The following KYNU variants were observed in gnomAD, a reference collection of about 807,000 sequenced individuals.
The protein encoded by KYNU is kynureninase, also known as L-kynurenine hydrolase.
A neutral mutation model predicts 59.2 loss-of-function variants in KYNU; 54 were observed. The ratio of observed to expected loss-of-function variants is 0.91; its 90% CI spans 0.73 to 1.14. The LOEUF is 1.14. KYNU is among the 50% of genes most tolerant of loss of function. The probability of loss-of-function intolerance (pLI) is 0.00; values close to 1 mark genes in which losing one functional copy is unlikely to be tolerated. For synonymous variants in KYNU, 177 were observed against 192.0 expected, an observed-to-expected ratio of 0.92 and a Z score of 0.65; for missense variants, 567 against 554.4, an observed-to-expected ratio of 1.02 and a Z score of -0.23.
At chr2:142,999,360 T>C (rs775625457) in intron 10 of KYNU, among the ~76,000 whole-genome samples, 63 of 152,226 alleles carry the variant, frequency 4.1e-4, no homozygotes, top group Non-Finnish European at 7.3e-4. Flanking sequence ...AGTGATTGCT[T>C]TGAATGGTGT....
chr2:142,882,430 T>C (rs1228910145), intron 1 of KYNU, among the ~76,000 whole-genome samples: 1 of 152,122 alleles, frequency 6.6e-6, no homozygotes, highest in Non-Finnish European at 1.5e-5. Context: ...GCTGCACCCA[T>C]TAACTCGTCA....
intron 2 of KYNU, among the ~76,000 whole-genome samples, chr2:142,902,854 G>T (rs550783469): frequency 2.0e-4 from 31 of 152,272 alleles, no homozygotes; most frequent in African/African-American, 5.5e-4. Context: ...TTAACCCTTG[G>T]GGTAAAACAG....
At chr2:142,915,797 C>T in intron 2 of KYNU, among the ~76,000 whole-genome samples, 1 of 152,142 alleles carries the variant, frequency 6.6e-6, no homozygotes, top group East Asian at 1.9e-4. Flanking sequence ...AACTTTTAAG[C>T]AGAGTGCTAT....
rs777529766 is a variant in KYNU, at chr2:142,956,230, C to T, written c.463C>T (p.Arg155Ter). 1.5e-5 allele frequency: 24 copies of T among 1,602,314 alleles called. No individual in the cohort carries two copies. Among genetic ancestry groups the T allele is most frequent in the African/African-American group, 8.0e-5 (6 of 74,606 alleles). Residue 155 changes from arginine to a stop codon, truncating the protein, a stop_gained, in exon 6 of 14, where the codon CGA becomes TGA. Coordinates refer to ENST00000264170, the MANE Select transcript of KYNU (RefSeq NM_003937.3). LOFTEE classifies it high-confidence loss of function. ...MLSFFKPTPKRYKILLEAKAF... is the reference protein window; with the variant it reads ...MLSFFKPTPK Reference sequence around the variant, plus strand: ...ATCATTTTTTAAGCCTACGCCAAAACGATATAAAATTCTTCTAGAAGCCAA... The same window carrying T: ...ATCATTTTTTAAGCCTACGCCAAAATGATATAAAATTCTTCTAGAAGCCAA...
chr2:142,879,452 G>A (rs183535092), intron 1 of KYNU: 1 of 152,314 alleles, frequency 6.6e-6, no homozygotes, highest in Non-Finnish European at 1.5e-5. Context: ...GTAGCTTGTG[G>A]TCCTTTGCAG....
In KYNU at chr2:142,971,882, G is replaced by C. The variant is rs1421295436; in HGVS notation, c.729+11112G>C. ...AATCAAGATGCTTTTTGTAAGTTTTGAGTTCTTTTTCAAATTCCACTTCTA... is the reference window on the plus strand; with the variant it reads ...AATCAAGATGCTTTTTGTAAGTTTTCAGTTCTTTTTCAAATTCCACTTCTA... On this transcript the variant is annotated intron_variant, in intron 8 of 13. Coordinates refer to ENST00000264170, the MANE Select transcript of KYNU (RefSeq NM_003937.3). 4.6e-5 allele frequency among the ~76,000 whole-genome samples: 7 copies of C among 152,164 alleles called. No homozygotes were observed. The South Asian group carries it at 1.4e-3, about 32-fold the overall frequency.
chr2:143,025,645 G>A (rs1686531033), intron 10 of KYNU, among the ~76,000 whole-genome samples: 1 of 151,312 alleles, frequency 6.6e-6, no homozygotes, highest in Non-Finnish European at 1.5e-5. Context: ...TTTTTAAACT[G>A]GAACTTCAGT....
At chr2:143,001,705 T>C (rs900075554) in intron 10 of KYNU, among the ~76,000 whole-genome samples, 2 of 152,226 alleles carry the variant, frequency 1.3e-5, no homozygotes, top group African/African-American at 4.8e-5. Flanking sequence ...GATTATTTAT[T>C]GAGCAGGACA....
At chr2:142,977,234 T>C (rs1290216749) in intron 8 of KYNU, among the ~76,000 whole-genome samples, 3 of 152,030 alleles carry the variant, frequency 2.0e-5, no homozygotes, top group Non-Finnish European at 1.5e-5. Flanking sequence ...ATTTTAGCTG[T>C]GGTTTACAAA....
intron 2 of KYNU, 144 bp from the exon 3 acceptor site, chr2:142,918,465 C>T (rs1193675393): frequency 4.6e-6 from 4 of 874,968 alleles, no homozygotes; most frequent in Non-Finnish European, 6.7e-6. Context: ...TTTTAGAGGA[C>T]CTGATGTCAT....
chr2:143,037,491 C>T (rs1223573024), intron 12 of KYNU, among the ~76,000 whole-genome samples: 1 of 152,086 alleles, frequency 6.6e-6, no homozygotes, highest in African/African-American at 2.4e-5. Context: ...AGTCAGAAGA[C>T]TCAACAAAGA....
chr2:142,930,627 G>T (rs7557827), intron 4 of KYNU, among the ~76,000 whole-genome samples: 55,558 of 151,882 alleles, frequency 0.37, 10,473 homozygotes, highest in South Asian at 0.55. Context: ...TTTGTGTACT[G>T]GAGGAAACAG....
chr2:142,941,352 A>G (rs1306696072), intron 4 of KYNU, among the ~76,000 whole-genome samples: 1 of 152,240 alleles, frequency 6.6e-6, no homozygotes, highest in African/African-American at 2.4e-5. Flanking sequence ...TTGTTATAAC[A>G]CACCTATGGG....
In KYNU at chr2:142,982,278, A is replaced by G. The variant is rs1228669572; in HGVS notation, c.730-2806A>G. On this transcript the variant is annotated intron_variant, in intron 8 of 13. Transcript: ENST00000264170. Reference sequence around the variant, plus strand: ...GAGGTAAAATGTTTTGCAAAGTTCTATCACCTGCATTTAGCCAGTTTTTAA... The same window carrying G: ...GAGGTAAAATGTTTTGCAAAGTTCTGTCACCTGCATTTAGCCAGTTTTTAA... Among the ~76,000 whole-genome samples, 5 of 152,116 alleles carry G rather than the reference A, an allele frequency of 3.3e-5. No homozygotes were observed. The South Asian group carries it at 6.2e-4, about 19-fold the overall frequency.
chr2:142,884,117 C>G (rs1359713097), intron 1 of KYNU, among the ~76,000 whole-genome samples: 1 of 152,056 alleles, frequency 6.6e-6, no homozygotes, highest in Admixed American at 6.5e-5. Context: ...TTATCCTTTT[C>G]CAAAAAGTGG....
chr2:142,951,964 G>A (rs1684006267), intron 4 of KYNU, among the ~76,000 whole-genome samples: 1 of 152,220 alleles, frequency 6.6e-6, no homozygotes, highest in Admixed American at 6.5e-5. Flanking sequence ...AGCACATCTG[G>A]AGGGGAACAT....
chr2:143,050,440 C>T lies in KYNU; in HGVS notation c.*8268C>T, dbSNP rs1243878618. 6.6e-6 allele frequency: 1 copy of T among 152,102 alleles called. No individual in the cohort carries two copies. Among genetic ancestry groups the T allele is most frequent in the Non-Finnish European group, 1.5e-5 (1 of 68,028 alleles). 9.4% of individuals were successfully genotyped at this position (152,102 alleles called of 1,614,324 possible). ...GTTAATTTGCTGAGGATGATAGCTT[C>T]CAGCTTCATCCACGTCCCTGCAAAG... On this transcript the variant is annotated 3_prime_UTR_variant, in exon 14 of 14. Transcript: ENST00000264170.
intron 3 of KYNU, among the ~76,000 whole-genome samples, chr2:142,925,999 G>C (rs539746774): frequency 6.6e-6 from 1 of 152,224 alleles, no homozygotes; most frequent in Non-Finnish European, 1.5e-5. Context: ...GATGATGCTG[G>C]AAACATCATT....
intron 4 of KYNU, among the ~76,000 whole-genome samples, chr2:142,950,505 G>C (rs1446833519): frequency 2.6e-5 from 4 of 152,172 alleles, no homozygotes; most frequent in Admixed American, 6.5e-5. Context: ...GGCAAGGAGA[G>C]AGCTTGTGTA....
Sources: allele counts gnomAD v4.1 joint callset (sites outside exome capture counted in the v4.1 genomes callset), GRCh38; gene constraint gnomAD v4.1.1; transcripts MANE v1.5; gene names NCBI Gene and HGNC (gene_info 2026-07-23, HGNC 2026-07-21).